The following TAFA1 variants were observed in gnomAD, a reference collection of about 807,000 sequenced individuals.
TAFA1 encodes the protein TAFA chemokine like family member 1, also known as chemokine-like protein TAFA-1.
TAFA1 carries 4 observed loss-of-function variants against 18.5 expected under a neutral mutation model. The ratio of observed to expected loss-of-function variants is 0.22; its 90% confidence interval spans 0.11 to 0.49. TAFA1 has a LOEUF of 0.49. TAFA1 is among the 20% of genes least tolerant of loss of function. The pLI, the probability that TAFA1 is intolerant of heterozygous loss-of-function variation, is 0.98. For missense variants in TAFA1, 147 were observed against 169.0 expected, an observed-to-expected ratio of 0.87 and a Z score of 0.72; for synonymous variants, 56 against 55.2, an observed-to-expected ratio of 1.01 and a Z score of -0.06.
intron 3 of TAFA1, among the ~76,000 whole-genome samples, chr3:68,528,831 T>C (rs1441154990): frequency 2.0e-5 from 3 of 152,152 alleles, no homozygotes; most frequent in Admixed American, 6.6e-5. Flanking sequence ...TTACTCTCAC[T>C]TAGTGAAGAA....
chr3:68,133,718 G>T (rs1191271045), intron 2 of TAFA1, among the ~76,000 whole-genome samples: 1 of 151,978 alleles, frequency 6.6e-6, no homozygotes, highest in Non-Finnish European at 1.5e-5. Flanking sequence ...CATTGATTTT[G>T]TATCCAAACC....
At chr3:68,469,239 T>C (rs1249370622) in intron 3 of TAFA1, among the ~76,000 whole-genome samples, 1 of 151,938 alleles carries the variant, frequency 6.6e-6, no homozygotes, top group Non-Finnish European at 1.5e-5. Flanking sequence ...ACTAGTAGTA[T>C]AGGTTATTGA....
chr3:68,013,234 A>G (rs1704506445), intron 2 of TAFA1, among the ~76,000 whole-genome samples: 1 of 152,152 alleles, frequency 6.6e-6, no homozygotes, highest in Non-Finnish European at 1.5e-5. Context: ...CTTAGTTGTT[A>G]CTACTTGTGT....
intron 2 of TAFA1, among the ~76,000 whole-genome samples, chr3:68,069,523 G>A (rs531958476): frequency 7.2e-5 from 11 of 152,164 alleles, no homozygotes; most frequent in East Asian, 3.9e-4. Flanking sequence ...CAGCCAAACC[G>A]TATCATTCCA....
chr3:68,183,359 C>T (rs184370217), intron 2 of TAFA1, among the ~76,000 whole-genome samples: 1 of 152,036 alleles, frequency 6.6e-6, no homozygotes, highest in African/African-American at 2.4e-5. Flanking sequence ...AAATAAGGAA[C>T]CAGAAGTCAT....
intron 2 of TAFA1, among the ~76,000 whole-genome samples, chr3:68,300,311 C>T (rs929414110): frequency 6.6e-6 from 1 of 152,170 alleles, no homozygotes; most frequent in African/African-American, 2.4e-5. Context: ...TTAATAATGA[C>T]TGCCCAGGTG....
intron 3 of TAFA1, among the ~76,000 whole-genome samples, chr3:68,537,031 G>A (rs1184818709): frequency 6.6e-6 from 1 of 152,058 alleles, no homozygotes; most frequent in Non-Finnish European, 1.5e-5. Context: ...CCTAGGCTAG[G>A]CGATAAACCC....
intron 2 of TAFA1, among the ~76,000 whole-genome samples, chr3:68,157,775 A>T (rs1445009695): frequency 6.6e-6 from 1 of 152,184 alleles, no homozygotes; most frequent in Non-Finnish European, 1.5e-5. Flanking sequence ...TCATTTCAGA[A>T]CTGTTGTTAG....
intron 2 of TAFA1, among the ~76,000 whole-genome samples, chr3:68,389,764 G>C (rs957201384): frequency 1.3e-5 from 2 of 152,102 alleles, no homozygotes; most frequent in Non-Finnish European, 2.9e-5. Flanking sequence ...AAGAGGTTGA[G>C]AAACTCCCTC....
intron 3 of TAFA1, among the ~76,000 whole-genome samples, chr3:68,512,983 C>T (rs2072872200): frequency 6.6e-6 from 1 of 152,128 alleles, no homozygotes; most frequent in Non-Finnish European, 1.5e-5. Context: ...GGTGGTTCTA[C>T]ATGTCATGGA....
chr3:68,292,020 C>A (rs2068117694), intron 2 of TAFA1, among the ~76,000 whole-genome samples: 1 of 152,062 alleles, frequency 6.6e-6, no homozygotes, highest in Non-Finnish European at 1.5e-5. Context: ...ACAGTTTTAG[C>A]TAATACGGTT....
chr3:68,135,733 C>A (rs1276063748), intron 2 of TAFA1, among the ~76,000 whole-genome samples: 1 of 152,154 alleles, frequency 6.6e-6, no homozygotes, highest in Non-Finnish European at 1.5e-5. Flanking sequence ...TTCCGAATAG[C>A]AGTTTATTTA....
At chr3:68,008,350 C>T (rs1232748974) in intron 2 of TAFA1, among the ~76,000 whole-genome samples, 1 of 152,222 alleles carries the variant, frequency 6.6e-6, no homozygotes, top group Non-Finnish European at 1.5e-5. Flanking sequence ...GTTACATGGT[C>T]ATAAATAATA....
chr3:68,033,004 A>T (rs1480480639), intron 2 of TAFA1, among the ~76,000 whole-genome samples: 1 of 152,164 alleles, frequency 6.6e-6, no homozygotes, highest in Non-Finnish European at 1.5e-5. Flanking sequence ...CCCAAAATTA[A>T]GTCAGAAGCA....
intron 3 of TAFA1, among the ~76,000 whole-genome samples, chr3:68,476,425 A>G (rs1261641822): frequency 6.6e-6 from 1 of 152,252 alleles, no homozygotes; most frequent in Non-Finnish European, 1.5e-5. Context: ...GTCTTTAAAA[A>G]TGCAGAGATG....
chr3:68,382,921 C>T (rs2070005899), intron 2 of TAFA1, among the ~76,000 whole-genome samples: 1 of 152,014 alleles, frequency 6.6e-6, no homozygotes, highest in African/African-American at 2.4e-5. Context: ...AGATCTGTCA[C>T]CTCTCTGGTT....
intron 3 of TAFA1, among the ~76,000 whole-genome samples, chr3:68,531,502 G>A (rs1174357653): frequency 2.0e-5 from 3 of 152,010 alleles, no homozygotes; most frequent in African/African-American, 4.8e-5. Context: ...CCTTTAGCGG[G>A]GCTGTCCACA....
chr3:68,349,000 T>C (rs1234191753), intron 2 of TAFA1, among the ~76,000 whole-genome samples: 3 of 151,786 alleles, frequency 2.0e-5, no homozygotes, highest in African/African-American at 4.8e-5. Flanking sequence ...TTTCTTATGC[T>C]AAAACCTTGT....
chr3:68,027,699 G>C (rs1704845311), intron 2 of TAFA1, among the ~76,000 whole-genome samples: 1 of 151,966 alleles, frequency 6.6e-6, no homozygotes. Context: ...ATTTGTCTCT[G>C]TTATTTTCTA....
Sources: allele counts gnomAD v4.1 joint callset (sites outside exome capture counted in the v4.1 genomes callset), GRCh38; gene constraint gnomAD v4.1.1; transcripts MANE v1.5; gene names NCBI Gene and HGNC (gene_info 2026-07-23, HGNC 2026-07-21).